Variants in ULK4 observed in about 807,000 individuals in gnomAD.
ULK4 encodes the protein unc-51 like kinase 4.
A neutral mutation model predicts 160.6 loss-of-function variants in ULK4; 133 were observed. The observed-to-expected ratio is 0.83, with a 90% CI of 0.72 to 0.96. The LOEUF (loss-of-function observed/expected upper bound fraction) is 0.96. Ranked by LOEUF, ULK4 falls within the 40% of genes least tolerant of loss-of-function variation. The pLI is 0.00. For synonymous variants in ULK4, 534 were observed against 539.8 expected (o/e 0.99, Z 0.15); for missense variants, 1,580 against 1,499.5 (o/e 1.05, Z -0.89).
intron 35 of ULK4, among the ~76,000 whole-genome samples, chr3:41,309,798 A>G (rs549906409): frequency 8.5e-5 from 13 of 152,338 alleles, no homozygotes; most frequent in African/African-American, 3.1e-4. Flanking sequence ...TTTAGAAAAA[A>G]CAGATTTGAA....
chr3:41,336,908 T>C (rs2080570149), intron 35 of ULK4, among the ~76,000 whole-genome samples: 1 of 152,196 alleles, frequency 6.6e-6, no homozygotes, highest in Non-Finnish European at 1.5e-5. Flanking sequence ...TCTTCATCTA[T>C]AAAACCAGGG....
Position 41,533,866 on chromosome 3 carries a change from G to T in ULK4, c.3226+32159C>A, listed in dbSNP as rs1364593361. 2.6e-5 allele frequency among the ~76,000 whole-genome samples: 4 copies of T among 152,284 alleles called. No homozygotes were observed. In the South Asian group the frequency reaches 8.3e-4, roughly 32 times the overall value. On this transcript the variant is annotated intron_variant, in intron 32 of 36. Coordinates refer to ENST00000301831, the MANE Select transcript of ULK4 (RefSeq NM_017886.4). The stretch of plus-strand genomic sequence containing the variant: ...TCTTTCGCCCAGGCCGGACTGCAGT[G>T]GCGCGATCTTGGCTCACTGCAAGCT...
intron 34 of ULK4, among the ~76,000 whole-genome samples, chr3:41,406,965 A>T (rs910756257): frequency 6.6e-6 from 1 of 152,164 alleles, no homozygotes; most frequent in African/African-American, 2.4e-5. Context: ...TTCCAGGCCT[A>T]TGTGCAGGGA....
intron 18 of ULK4, 48 bp from the exon 19 acceptor site, chr3:41,819,554 A>C: frequency 6.4e-7 from 1 of 1,567,184 alleles, no homozygotes; most frequent in Non-Finnish European, 8.7e-7. Context: ...ACAGCACGAA[A>C]GATATTAACC....
At position 41,542,194 on chromosome 3, in the gene ULK4, G is replaced by C. The variant is rs149113098; in HGVS notation, c.3226+23831C>G. On this transcript the variant is annotated intron_variant, in intron 32 of 36. Transcript: ENST00000301831. Reference sequence around the variant, plus strand: ...TTATTATTTTGAGATACGTTCCTTCGATACCTCATTTATTGACAGTTTTTA... The same window carrying C: ...TTATTATTTTGAGATACGTTCCTTCCATACCTCATTTATTGACAGTTTTTA... Among the ~76,000 whole-genome samples the C allele has an allele frequency of 7.9e-5, 12 of 152,146 alleles. 1 individual carries two copies. The highest frequency in any genetic ancestry group is 2.9e-4 in the African/African-American group (12 of 41,522).
At chr3:41,329,566 G>A (rs2080403236) in intron 35 of ULK4, among the ~76,000 whole-genome samples, 1 of 151,180 alleles carries the variant, frequency 6.6e-6, no homozygotes, top group Admixed American at 6.6e-5. Flanking sequence ...TGTTACGTTT[G>A]AAAGAAATCT....
intron 17 of ULK4, among the ~76,000 whole-genome samples, chr3:41,873,183 T>TTATC (rs1553679617): frequency 4.3e-4 from 66 of 151,878 alleles, no homozygotes; most frequent in African/African-American, 1.4e-3. Context: ...AACTAACTTG[T>TTATC]TATCTCTCTA....
rs558285654 is a variant in ULK4, at chr3:41,820,651, G to T, written c.1765-1145C>A. ...AGTGGGGAGGGTGGGACAGGAGTAA[G>T]GGCTGAAAAACTGCATATTGACTAC... On this transcript the variant is annotated intron_variant, in intron 18 of 36. Transcript: ENST00000301831. Among the ~76,000 whole-genome samples the T allele has an allele frequency of 2.6e-5, 4 of 152,212 alleles. No individual in the cohort carries two copies. The East Asian group carries it at 7.7e-4, about 29-fold the overall frequency.
chr3:41,281,916 C>T (rs1049827368), intron 35 of ULK4, among the ~76,000 whole-genome samples: 6 of 152,264 alleles, frequency 3.9e-5, no homozygotes, highest in Non-Finnish European at 7.4e-5. Context: ...CATCTCAGCC[C>T]AAAATCTCCT....
chr3:41,877,746 C>T (rs1305023212), intron 17 of ULK4, among the ~76,000 whole-genome samples: 1 of 151,988 alleles, frequency 6.6e-6, no homozygotes, highest in East Asian at 1.9e-4. Context: ...CTTTGGGAGG[C>T]CAAGGTGGGT....
At chr3:41,318,517 A>G (rs2080188720) in intron 35 of ULK4, among the ~76,000 whole-genome samples, 1 of 152,114 alleles carries the variant, frequency 6.6e-6, no homozygotes, top group South Asian at 2.1e-4. Context: ...AAAGATTTGG[A>G]AGAAATGCCA....
chr3:41,409,053 T>G (rs1313151599), intron 34 of ULK4, among the ~76,000 whole-genome samples: 1 of 151,984 alleles, frequency 6.6e-6, no homozygotes, highest in East Asian at 1.9e-4. Flanking sequence ...CCCAGGAGTT[T>G]GACAACAGCC....
intron 35 of ULK4, among the ~76,000 whole-genome samples, chr3:41,343,043 T>C (rs2080719812): frequency 6.6e-6 from 1 of 152,110 alleles, no homozygotes; most frequent in South Asian, 2.1e-4. Context: ...AAAAGCCATA[T>C]ATGACAAACC....
chr3:41,377,217 A>C (rs1446168887), intron 35 of ULK4, among the ~76,000 whole-genome samples: 1 of 152,228 alleles, frequency 6.6e-6, no homozygotes, highest in Non-Finnish European at 1.5e-5. Flanking sequence ...TTAGACAAAA[A>C]TCAATTCAAG....
chr3:41,956,778 T>C (rs1239616411), intron 1 of ULK4, among the ~76,000 whole-genome samples: 1 of 152,234 alleles, frequency 6.6e-6, no homozygotes, highest in Admixed American at 6.5e-5. Context: ...TAAAGTTTAA[T>C]TGGAACATAG....
chr3:41,332,815 C>G (rs1177971973), intron 35 of ULK4, among the ~76,000 whole-genome samples: 2 of 152,130 alleles, frequency 1.3e-5, no homozygotes, highest in Non-Finnish European at 2.9e-5. Flanking sequence ...CCTTCCTTCC[C>G]CCTCTAGTAG....
intron 4 of ULK4, among the ~76,000 whole-genome samples, chr3:41,933,168 G>A (rs940978776): frequency 2.0e-5 from 3 of 152,190 alleles, no homozygotes; most frequent in African/African-American, 7.2e-5. Context: ...AGAATCCCCT[G>A]GAAGACTTGT....
At chr3:41,750,917 G>T (rs2038599722) in intron 22 of ULK4, among the ~76,000 whole-genome samples, 2 of 151,068 alleles carry the variant, frequency 1.3e-5, no homozygotes, top group Admixed American at 6.6e-5. Context: ...TTGAACCCGG[G>T]AGGCGGAGAT....
chr3:41,348,150 A>T (rs2080837335), intron 35 of ULK4, among the ~76,000 whole-genome samples: 1 of 143,442 alleles, frequency 7.0e-6, no homozygotes, highest in Non-Finnish European at 1.5e-5. Flanking sequence ...TGGAGGTTGC[A>T]GTGAGCTGAG....
Sources: gnomAD v4.1 joint callset for allele counts (sites outside exome capture counted in the v4.1 genomes callset) on GRCh38, gnomAD v4.1.1 for gene constraint, MANE v1.5 for transcripts, NCBI Gene and HGNC (gene_info 2026-07-23, HGNC 2026-07-21) for gene names.